SPTBN5: variants seen among roughly 807,000 people sequenced by gnomAD.
The protein encoded by SPTBN5 is spectrin beta, non-erythrocytic 5.
In SPTBN5, 513 loss-of-function variants were observed where a neutral mutation model predicts 477.6. The ratio of observed to expected loss-of-function variants is 1.07; its 90% CI spans 1.00 to 1.16. The LOEUF (loss-of-function observed/expected upper bound fraction) is 1.16. Among genes scored for constraint, SPTBN5 ranks in the 50% most tolerant of loss-of-function variants. SPTBN5 has a pLI of 0.00. For missense variants in SPTBN5, 5,062 were observed against 4,731.8 expected, an observed-to-expected ratio of 1.07 and a Z score of -2.05; for synonymous variants, 2,169 against 2,011.7, an observed-to-expected ratio of 1.08 and a Z score of -2.09.
intron 66 of SPTBN5, 48 bp from the exon 67 acceptor site, chr15:41,850,007 C>T (rs2065698875): frequency 2.7e-6 from 4 of 1,467,642 alleles, no homozygotes; most frequent in Non-Finnish European, 3.7e-6. Flanking sequence ...AGACCATCTG[C>T]AGGCGCCAGG....
At position 41,852,163 on chromosome 15, in the gene SPTBN5, G is replaced by A. The variant is rs2065785347; in HGVS notation, c.10584+19C>T. The A allele has an allele frequency of 6.4e-7, 1 of 1,564,874 alleles. No homozygotes were observed. The highest frequency in any genetic ancestry group is 8.7e-7 in the Non-Finnish European group (1 of 1,150,840). On this transcript the variant is annotated intron_variant, in intron 62 of 67. Transcript: ENST00000320955. The stretch of plus-strand genomic sequence containing the variant: ...GGAGACCACGGCGGGGGTGCCTGCA[G>A]CCCCATAGGGACACCTGCCTGGGGG...
Position 41,857,709 on chromosome 15 carries a change from T to C in SPTBN5, c.8228A>G (p.Glu2743Gly), listed in dbSNP as rs1595450849. 1 of 1,569,346 alleles carries C rather than the reference T, an allele frequency of 6.4e-7. No homozygotes were observed. The change falls in exon 50 of 68, where the codon GAG (glutamate) becomes GGG (glycine). Residue 2743 changes from glutamate (E) to glycine (G), a missense_variant and splice_region_variant. Transcript: ENST00000320955. ...SMHQQQELQR[E>G]GQRLLQGGHP... is the part of the protein sequence containing the mutation. ...GCCCCCCTGCAGCAGCCTCTGTCCC[T>C]CCTGCAGCCACAACATGAAACACAC...
rs2066470464 is a variant in SPTBN5 at position 41,869,831 on chromosome 15, G to A, written c.5853+10C>T. 2.6e-6 allele frequency: 4 copies of A among 1,547,814 alleles called. No homozygotes were observed. In the African/African-American group the frequency reaches 4.1e-5, roughly 16 times the overall value. ...CACACACACACCACCCAAAGGGCAG[G>A]AGCCCTCACCGCCGTGCGGAAGCGG... On this transcript the variant is annotated intron_variant, in intron 32 of 67. Transcript: ENST00000320955.
At position 41,872,317 on chromosome 15, in the gene SPTBN5, T is replaced by A. The variant is rs370834002; in HGVS notation, c.5150A>T (p.Glu1717Val). The A allele has an allele frequency of 1.7e-5, 28 of 1,610,942 alleles. No individual in the cohort carries two copies. The African/African-American group carries it at 3.2e-4, about 18-fold the overall frequency. ...GTGTCCTCACCGTGTGGCCGCCAAC[T>A]CCTGCAGTGCCCGCAGCTGCTCCCG... ...RLREQLRALQ[E>V]LAATRDRELE... The change falls in exon 27 of 68, where the codon GAG becomes GTG. Residue 1717 changes from glutamate to valine, a missense_variant. Glu to Val is a moderately radical substitution (Grantham distance 121). Transcript: ENST00000320955.
intron 9 of SPTBN5, 111 bp downstream of exon 9, chr15:41,882,885 G>A (rs1567227107): frequency 2.2e-6 from 3 of 1,349,860 alleles, no homozygotes; most frequent in East Asian, 2.5e-5. Context: ...TTGGAAGTGA[G>A]GGTCAGTGTG....
rs756796916 is a variant in SPTBN5, at chr15:41,862,252, G to A, written c.7426C>T (p.Gln2476Ter). 12 of 1,610,598 alleles carry A rather than the reference G, an allele frequency of 7.5e-6. No individual in the cohort carries two copies. The East Asian group carries it at 1.8e-4, about 24-fold the overall frequency. ...ACCAGCAATTCCTGCAGCATTGCCT[G>A]GAGTTTCTGAGCTTGGTGCAAGGCA... Reference protein sequence around the residue: ...LDALHQAQKLQAMLQELLVSA... With the variant: ...LDALHQAQKL Residue 2476 changes from glutamine to a stop codon, truncating the protein, a stop_gained, in exon 44 of 68, where the codon CAG (glutamine) becomes TAG (stop). Coordinates refer to ENST00000320955, the MANE Select transcript of SPTBN5 (RefSeq NM_016642.4). LOFTEE classifies it high-confidence loss of function.
rs1238914794 is a variant in SPTBN5, at chr15:41,882,093, G to A, written c.2300C>T (p.Ser767Leu). The A allele has an allele frequency of 6.4e-7, 1 of 1,574,078 alleles. No individual in the cohort carries two copies. The highest frequency in any genetic ancestry group is 8.5e-7 in the Non-Finnish European group (1 of 1,171,220). Residue 767 changes from serine (S) to leucine (L), a missense_variant, in exon 12 of 68, where the codon TCG (serine) becomes TTG (leucine). Ser to Leu is a moderately radical substitution (Grantham distance 145). Transcript: ENST00000320955. ...CTGACCGCAGGACGCTCTCTCCAGC[G>A]AGGATCGCCGCTCGCGCAGCCACGA... ...AASWLRERRS[S>L]LERASCGQDQ... is the part of the protein sequence containing the mutation.
chr15:41,884,197 A>G (rs1029310315), intron 7 of SPTBN5, among the ~76,000 whole-genome samples: 1 of 152,020 alleles, frequency 6.6e-6, no homozygotes, highest in Non-Finnish European at 1.5e-5. Context: ...TGTGTTAGCC[A>G]GGATGGTCTT....
rs1381421363 is a variant in SPTBN5, at chr15:41,865,814, C to CA, written c.6911_6912insT (p.Ala2305GlyfsTer7). ...CCCAGCAAGGCCCTCTTACCCCGGC[C>CA]GAGTTTCCTCGGAACTCGCGGAGCC... On this transcript the variant is annotated frameshift_variant, in exon 39 of 68. Coordinates refer to ENST00000320955, the MANE Select transcript of SPTBN5 (RefSeq NM_016642.4). LOFTEE classifies it high-confidence loss of function. 23 of 1,559,272 alleles carry CA rather than the reference C, an allele frequency of 1.5e-5. No individual in the cohort carries two copies. In the Admixed American group the frequency reaches 4.4e-4, roughly 30 times the overall value.
At position 41,851,355 on chromosome 15, in the gene SPTBN5, G is replaced by A. The variant is rs576151067; in HGVS notation, c.10671C>T (p.Ser3557=). 1.7e-5 allele frequency: 27 copies of A among 1,550,964 alleles called. 1 individual carries two copies. In the East Asian group the frequency reaches 4.2e-4, roughly 24 times the overall value. Residue 3557 remains serine, a synonymous_variant, in exon 64 of 68, where the codon TCC becomes TCT. Transcript: ENST00000320955. ...GCAAGTTCCCGCGGCAGCTGTCCCA[G>A]GAGCTCGAGCTAGGCTGTGGAGAGG... The part of the protein sequence containing the change: ...LPGGRQPSSS[S]WDSCRGNLQG...
At chr15:41,868,298 TGAGGA>T in intron 33 of SPTBN5, 80 bp from the exon 34 acceptor site, 1 of 1,562,938 alleles carries the variant, frequency 6.4e-7, no homozygotes, top group Admixed American at 1.9e-5. Flanking sequence ...GGGAAGCTCC[TGAGGA>T]GAGGCCAGCA....
At chr15:41,857,109 A>T (rs1188503033) in intron 51 of SPTBN5, 70 bp from the exon 52 acceptor site, 6 of 1,528,960 alleles carry the variant, frequency 3.9e-6, no homozygotes, top group Non-Finnish European at 5.3e-6. Context: ...ACCTGGTGAC[A>T]CAGATCACCC....
chr15:41,867,989 A>G, intron 34 of SPTBN5, 80 bp downstream of exon 34: 3 of 1,469,916 alleles, frequency 2.0e-6, no homozygotes, highest in Admixed American at 2.5e-5. Flanking sequence ...GAGAGGCAGG[A>G]GGAAAGGGAC....
rs1567220722 is a variant in SPTBN5 at position 41,878,629 on chromosome 15, C to T, written c.3183G>A (p.Lys1061=). ...RVHFLQSVVV[K]VEEPGYAESQ... ...TCTCTGCGTAGCCTGGCTCCTCGAC[C>T]CTGGGAGACAGGGTGCGCTGCACAG... The change falls in exon 17 of 68, where the codon AAG becomes AAA. Residue 1061 remains lysine, a splice_region_variant and synonymous_variant. Transcript: ENST00000320955. The T allele has an allele frequency of 5.0e-6, 8 of 1,608,994 alleles. No individual in the cohort carries two copies. Among genetic ancestry groups the T allele is most frequent in the Non-Finnish European group, 3.4e-6 (4 of 1,177,726 alleles).
At position 41,852,275 on chromosome 15, in the gene SPTBN5, G is replaced by T. The variant is rs369250546; in HGVS notation, c.10491C>A (p.Pro3497=). ...ATGTCAGCGAGCTGCCAGCTCTCCC[G>T]GGCTTCAGCTCCTGTGGCTGCAGCA... ...ELLLQPQELK[P]GRAGSSLTSF... The change falls in exon 62 of 68, where the codon CCC becomes CCA. Residue 3497 remains proline (P), a synonymous_variant. Transcript: ENST00000320955. 27 of 1,603,836 alleles carry T rather than the reference G, an allele frequency of 1.7e-5. No individual in the cohort carries two copies. The highest frequency in any genetic ancestry group is 2.1e-5 in the Non-Finnish European group (25 of 1,175,262).
At chr15:41,871,126 T>G (rs2066519794) in intron 29 of SPTBN5, among the ~76,000 whole-genome samples, 1 of 152,204 alleles carries the variant, frequency 6.6e-6, no homozygotes, top group Non-Finnish European at 1.5e-5. Flanking sequence ...GGCCCCACCA[T>G]CTTCCCACAG....
chr15:41,871,871 C>A lies in SPTBN5; in HGVS notation c.5212G>T (p.Glu1738Ter). The stretch of plus-strand genomic sequence containing the variant: ...AGCCAGCCCTGCAGGTCCTCAGCCT[C>A]CCTCAGGAACTCATGCAGCCTCAGG... The part of the protein sequence containing the change: ...GTLRLHEFLR[E>*]AEDLQGWLAS... Residue 1738 changes from glutamate to a stop codon, truncating the protein, a stop_gained, in exon 28 of 68, where the codon GAG becomes TAG. Transcript: ENST00000320955. LOFTEE classifies it high-confidence loss of function. The A allele has an allele frequency of 6.3e-7, 1 of 1,586,588 alleles. No homozygotes were observed. The highest frequency in any genetic ancestry group is 8.6e-7 in the Non-Finnish European group (1 of 1,166,788).
At chr15:41,889,448 C>T (rs1302267373) in intron 4 of SPTBN5, among the ~76,000 whole-genome samples, 1 of 152,006 alleles carries the variant, frequency 6.6e-6, no homozygotes, top group African/African-American at 2.4e-5. Flanking sequence ...GACACGGTCT[C>T]ACTCTGTGAC....
At chr15:41,859,477 T>C (rs1036346549) in intron 47 of SPTBN5, among the ~76,000 whole-genome samples, 2 of 152,178 alleles carry the variant, frequency 1.3e-5, no homozygotes, top group African/African-American at 4.8e-5. Flanking sequence ...TGAGTTCTTA[T>C]GTTGAAGGCC....
Sources: gnomAD v4.1 joint callset for allele counts (sites outside exome capture counted in the v4.1 genomes callset) on GRCh38, gnomAD v4.1.1 for gene constraint, MANE v1.5 for transcripts, NCBI Gene and HGNC (gene_info 2026-07-23, HGNC 2026-07-21) for gene names.